GPR176: variants seen among roughly 807,000 people sequenced by gnomAD.
GPR176 encodes the protein G protein-coupled receptor 176.
A neutral mutation model predicts 35.4 loss-of-function variants in GPR176; 26 were observed. The observed-to-expected ratio is 0.74, with a 90% CI of 0.54 to 1.02. GPR176 has a LOEUF of 1.02. Among genes scored for constraint, GPR176 ranks in the 50% least tolerant of loss-of-function variants. GPR176 has a pLI of 0.00. For missense variants in GPR176, 597 were observed against 665.3 expected, an observed-to-expected ratio of 0.90 and a Z score of 1.13; for synonymous variants, 278 against 271.3, an observed-to-expected ratio of 1.02 and a Z score of -0.24.
At chr15:39,882,390 G>A (rs2140849953) in intron 1 of GPR176, among the ~76,000 whole-genome samples, 1 of 152,304 alleles carries the variant, frequency 6.6e-6, no homozygotes, top group East Asian at 1.9e-4. Flanking sequence ...ATGATATGCA[G>A]AGTATGCATA....
intron 1 of GPR176, among the ~76,000 whole-genome samples, chr15:39,858,163 C>T (rs1251924697): frequency 6.6e-6 from 1 of 151,718 alleles, no homozygotes; most frequent in Non-Finnish European, 1.5e-5. Context: ...GTTGACCAGT[C>T]TGAAAAGGGA....
intron 1 of GPR176, among the ~76,000 whole-genome samples, chr15:39,919,060 T>C (rs1002197575): frequency 6.6e-6 from 1 of 152,224 alleles, no homozygotes; most frequent in African/African-American, 2.4e-5. Flanking sequence ...CATTTAACGT[T>C]TGAAGAGGAG....
In GPR176 at chr15:39,898,640, G is replaced by A. The variant is rs182151453; in HGVS notation, c.172+21215C>T. 8.5e-5 allele frequency among the ~76,000 whole-genome samples: 13 copies of A among 152,258 alleles called. No homozygotes were observed. In the East Asian group the frequency reaches 2.3e-3, roughly 27 times the overall value. ...ATTTGGAACTCCTGGAGTGTAAAGA[G>A]ACGAGCTAGGGAGGGAAACAGGAGC... On this transcript the variant is annotated intron_variant, in intron 1 of 2. Transcript: ENST00000561100.
rs1898727738 is a variant in GPR176 at position 39,799,517 on chromosome 15, C to G, written c.*1615G>C. Reference sequence around the variant, plus strand: ...ACATTCAGAAACACAAGACACCACACCCAAGAGAAGAAAGGAAAACAAAAC... The same window carrying G: ...ACATTCAGAAACACAAGACACCACAGCCAAGAGAAGAAAGGAAAACAAAAC... On this transcript the variant is annotated 3_prime_UTR_variant, in exon 3 of 3. Coordinates refer to ENST00000561100, the MANE Select transcript of GPR176 (RefSeq NM_007223.3). The G allele has an allele frequency of 6.6e-6, 1 of 152,208 alleles. No individual in the cohort carries two copies. Among genetic ancestry groups the G allele is most frequent in the South Asian group, 2.1e-4 (1 of 4,820 alleles). The allele number at this position is 152,208 out of a possible 1,614,324, so 9.4% of individuals were successfully genotyped here. A position where few individuals can be genotyped will look rare whatever the true frequency, so the allele number is the denominator to read the frequency against.
intron 1 of GPR176, among the ~76,000 whole-genome samples, chr15:39,886,587 C>T (rs1213973620): frequency 6.6e-6 from 1 of 152,182 alleles, no homozygotes; most frequent in African/African-American, 2.4e-5. Flanking sequence ...AGAGAATCCA[C>T]ACTTGGCACA....
At chr15:39,892,568 G>A (rs1940366487) in intron 1 of GPR176, among the ~76,000 whole-genome samples, 1 of 152,230 alleles carries the variant, frequency 6.6e-6, no homozygotes, top group African/African-American at 2.4e-5. Flanking sequence ...TGCAGATGTA[G>A]TAATCAAGAT....
intron 1 of GPR176, among the ~76,000 whole-genome samples, chr15:39,846,405 G>C (rs1479965422): frequency 6.6e-6 from 1 of 152,156 alleles, no homozygotes; most frequent in African/African-American, 2.4e-5. Flanking sequence ...CAGAGAGCTA[G>C]AACTGCCACC....
intron 1 of GPR176, among the ~76,000 whole-genome samples, chr15:39,913,480 G>C (rs2033632638): frequency 6.6e-6 from 1 of 151,888 alleles, no homozygotes; most frequent in African/African-American, 2.4e-5. Context: ...GGGAAGTGGA[G>C]GTTGCAGTGA....
At chr15:39,866,000 G>A (rs1399660373) in intron 1 of GPR176, among the ~76,000 whole-genome samples, 1 of 152,092 alleles carries the variant, frequency 6.6e-6, no homozygotes, top group African/African-American at 2.4e-5. Context: ...ACACAGTGGA[G>A]TTCTGTGAAT....
chr15:39,886,299 C>A lies in GPR176; in HGVS notation c.172+33556G>T, dbSNP rs536890558. Among the ~76,000 whole-genome samples, 3 of 152,140 alleles carry A rather than the reference C, an allele frequency of 2.0e-5. No individual in the cohort carries two copies. In the East Asian group the frequency reaches 5.8e-4, roughly 29 times the overall value. The stretch of plus-strand genomic sequence containing the variant: ...GCCTACCAGGAACTGTAAGACTCAG[C>A]AGAGAATTTTACAGGTATACTTCCC... On this transcript the variant is annotated intron_variant, in intron 1 of 2. Coordinates refer to ENST00000561100, the MANE Select transcript of GPR176 (RefSeq NM_007223.3).
chr15:39,805,092 T>C (rs1899109817), intron 2 of GPR176, among the ~76,000 whole-genome samples: 1 of 152,206 alleles, frequency 6.6e-6, no homozygotes, highest in Admixed American at 6.5e-5. Flanking sequence ...TTATAATATG[T>C]AAATTATATC....
intron 1 of GPR176, among the ~76,000 whole-genome samples, chr15:39,824,478 T>G (rs777621668): frequency 1.3e-5 from 2 of 152,238 alleles, no homozygotes; most frequent in Non-Finnish European, 2.9e-5. Flanking sequence ...CAGGCCTGCC[T>G]GGCTTCAGTT....
At chr15:39,845,713 C>T (rs1375544884) in intron 1 of GPR176, among the ~76,000 whole-genome samples, 1 of 151,932 alleles carries the variant, frequency 6.6e-6, no homozygotes, top group Admixed American at 6.6e-5. Flanking sequence ...CCTTAGTAAG[C>T]GGGAGAGAGC....
At chr15:39,828,500 G>T (rs748184033) in intron 1 of GPR176, among the ~76,000 whole-genome samples, 2 of 152,150 alleles carry the variant, frequency 1.3e-5, no homozygotes, top group Non-Finnish European at 2.9e-5. Flanking sequence ...CACTGAGTTG[G>T]CCCTCTGCCA....
intron 1 of GPR176, 29 bp downstream of exon 1, chr15:39,919,826 G>C (rs770941070): frequency 1.5e-6 from 2 of 1,372,596 alleles, no homozygotes; most frequent in Non-Finnish European, 1.9e-6. Flanking sequence ...GGGGAGGCCC[G>C]GTCCGGAGGC....
intron 1 of GPR176, among the ~76,000 whole-genome samples, chr15:39,832,654 A>AACAC (rs112693906): frequency 0.27 from 39,363 of 145,056 alleles, 5,352 homozygotes; most frequent in Non-Finnish European, 0.29. Flanking sequence ...TGATGAGCTA[A>AACAC]ACACACACAC....
intron 1 of GPR176, among the ~76,000 whole-genome samples, chr15:39,870,410 A>C (rs1347994687): frequency 6.6e-6 from 1 of 152,228 alleles, no homozygotes; most frequent in Non-Finnish European, 1.5e-5. Context: ...TCAAGAGAGC[A>C]GCAAAAGGGA....
intron 1 of GPR176, among the ~76,000 whole-genome samples, chr15:39,918,415 G>A (rs140703725): frequency 2.0e-3 from 304 of 152,158 alleles, no homozygotes; most frequent in African/African-American, 6.9e-3. Flanking sequence ...TATCCGTGGG[G>A]GAGGGAAAAA....
chr15:39,813,745 T>C (rs1203723644), intron 1 of GPR176: 1 of 152,168 alleles, frequency 6.6e-6, no homozygotes, highest in Non-Finnish European at 1.5e-5. Flanking sequence ...CAACAGTGCC[T>C]TCATGGTCAT....
Sources: allele counts gnomAD v4.1 joint callset (sites outside exome capture counted in the v4.1 genomes callset), GRCh38; gene constraint gnomAD v4.1.1; transcripts MANE v1.5; gene names NCBI Gene and HGNC (gene_info 2026-07-23, HGNC 2026-07-21).